The following RFT1 variants were observed in gnomAD, a reference collection of about 807,000 sequenced individuals.
RFT1 encodes the protein man(5)GlcNAc(2)-PP-dolichol translocation protein RFT1.
A neutral mutation model predicts 62.2 loss-of-function variants in RFT1; 43 were observed. The observed-to-expected ratio is 0.69, with a 90% CI of 0.54 to 0.89. RFT1 has a LOEUF of 0.89. RFT1 is among the 40% of genes least tolerant of loss of function. The probability of loss-of-function intolerance (pLI) is 0.00; values close to 1 mark genes in which losing one functional copy is unlikely to be tolerated. For missense variants in RFT1, 605 were observed against 649.9 expected, an observed-to-expected ratio of 0.93 and a Z score of 0.75; for synonymous variants, 262 against 264.6, an observed-to-expected ratio of 0.99 and a Z score of 0.10.
At chr3:53,075,638 G>A in the RFT1 span, among the ~76,000 whole-genome samples, 1 of 152,210 alleles carries the variant, frequency 6.6e-6, no homozygotes, top group African/African-American at 2.4e-5. Flanking sequence ...CTTCAGGAAT[G>A]TGTGCTGCCC....
At chr3:53,072,694 G>T in the RFT1 span, among the ~76,000 whole-genome samples, 33 of 152,236 alleles carry the variant, frequency 2.2e-4, 1 homozygote, top group Admixed American at 2.2e-3. Context: ...GGGTCCAGTG[G>T]ACTTTCGGAC....
intron 10 of RFT1, 155 bp downstream of exon 10, chr3:53,103,798 T>C (rs563292911): frequency 8.3e-4 from 759 of 911,212 alleles, no homozygotes; most frequent in Non-Finnish European, 1.2e-3. Flanking sequence ...GTGTCTGGAG[T>C]TGAACGAGGG....
Position 53,130,435 on chromosome 3 carries a change from C to A in RFT1, c.-35G>T. ...GCCAGGCTCAGACACCAGGAAATGC[C>A]GCCGCCACTCCGTTTAGTCGCGATA... On this transcript the variant is annotated 5_prime_UTR_variant, in exon 1 of 13. Transcript: ENST00000296292. The A allele has an allele frequency of 6.5e-7, 1 of 1,548,038 alleles. No homozygotes were observed.
At chr3:53,121,667 T>G (rs1270076570) in intron 5 of RFT1, 32 bp downstream of exon 5, 1 of 1,516,204 alleles carries the variant, frequency 6.6e-7, no homozygotes, top group East Asian at 2.3e-5. Context: ...GAAACAAAGA[T>G]CATATAAAAA....
chr3:53,106,873 T>C lies in RFT1; in HGVS notation c.776-4A>G. ...AATGTCATCACATATCGCTCGCCTA[T>C]AAACAAAAAAGCAAAATAATTAGCA... On this transcript the variant is annotated splice_polypyrimidine_tract_variant and splice_region_variant and intron_variant, in intron 7 of 12. Transcript: ENST00000296292. 6.2e-7 allele frequency: 1 copy of C among 1,612,082 alleles called. No individual in the cohort carries two copies. The highest frequency in any genetic ancestry group is 8.5e-7 in the Non-Finnish European group (1 of 1,178,400).
At chr3:53,115,431 T>A (rs1701765386) in intron 6 of RFT1, among the ~76,000 whole-genome samples, 1 of 152,082 alleles carries the variant, frequency 6.6e-6, no homozygotes, top group Non-Finnish European at 1.5e-5. Flanking sequence ...TTCAAAAACC[T>A]TTCATTAGGC....
At chr3:53,112,950 G>A (rs534252237) in intron 6 of RFT1, among the ~76,000 whole-genome samples, 20 of 152,086 alleles carry the variant, frequency 1.3e-4, no homozygotes, top group Non-Finnish European at 1.8e-4. Context: ...GTTCTCTCTG[G>A]GGCCCCCTCC....
the RFT1 span, chr3:53,078,073 A>T: frequency 6.6e-6 from 1 of 152,176 alleles, no homozygotes; most frequent in African/African-American, 2.4e-5. Context: ...CTTAGGGGCG[A>T]GGCTGGGGCT....
chr3:53,121,500 G>C (rs1014305687), intron 5 of RFT1, among the ~76,000 whole-genome samples, 199 bp downstream of exon 5: 1 of 152,198 alleles, frequency 6.6e-6, no homozygotes, highest in Non-Finnish European at 1.5e-5. Flanking sequence ...CAGGTCCCTA[G>C]AAACACCTAC....
intron 6 of RFT1, among the ~76,000 whole-genome samples, chr3:53,113,721 T>C (rs2107140642): frequency 6.6e-6 from 1 of 152,360 alleles, no homozygotes; most frequent in East Asian, 1.9e-4. Flanking sequence ...ATTAAGACTT[T>C]GAAATCCAAT....
chr3:53,084,523 T>C (rs569509618), downstream of RFT1, among the ~76,000 whole-genome samples: 2 of 152,334 alleles, frequency 1.3e-5, no homozygotes, highest in East Asian at 3.9e-4. Context: ...TGCTGCTCAG[T>C]TGTCACCTCC....
intron 8 of RFT1, 26 bp from the exon 9 acceptor site, chr3:53,105,829 C>T: frequency 6.2e-7 from 1 of 1,605,296 alleles, no homozygotes; most frequent in Non-Finnish European, 8.5e-7. Context: ...GAAGAAACAA[C>T]AATCATGTTG....
intron 6 of RFT1, among the ~76,000 whole-genome samples, chr3:53,116,438 C>G (rs1701798779): frequency 6.6e-6 from 1 of 151,972 alleles, no homozygotes; most frequent in African/African-American, 2.4e-5. Context: ...GGATCACAGG[C>G]ATGTGCCACC....
intron 11 of RFT1, among the ~76,000 whole-genome samples, chr3:53,095,967 C>A (rs1045319557): frequency 1.3e-5 from 2 of 152,154 alleles, no homozygotes; most frequent in Admixed American, 1.3e-4. Flanking sequence ...AAGGAGCTGT[C>A]AATCTTGGGC....
chr3:53,081,811 G>A, the RFT1 span, among the ~76,000 whole-genome samples: 37 of 152,264 alleles, frequency 2.4e-4, no homozygotes, highest in East Asian at 4.6e-3. Context: ...ATGTTTGTGC[G>A]AAACAATTAC....
At chr3:53,097,039 C>A (rs1398202725) in intron 11 of RFT1, among the ~76,000 whole-genome samples, 1 of 152,166 alleles carries the variant, frequency 6.6e-6, no homozygotes, top group Non-Finnish European at 1.5e-5. Flanking sequence ...GCCACCGTGC[C>A]CGGCCCAAAT....
chr3:53,092,048 C>T lies in RFT1; in HGVS notation c.1481G>A (p.Gly494Asp). The T allele has an allele frequency of 6.2e-7, 1 of 1,614,244 alleles. No individual in the cohort carries two copies. Among genetic ancestry groups the T allele is most frequent in the Non-Finnish European group, 8.5e-7 (1 of 1,180,040 alleles). ...VSEVFLCCEQ[G>D]WPARLAHIAV... Reference sequence around the variant, plus strand: ...AATGTGTGCCAGTCTGGCTGGCCAGCCCTGCTCACAGCAGAGGAATACCTG... The same window carrying T: ...AATGTGTGCCAGTCTGGCTGGCCAGTCCTGCTCACAGCAGAGGAATACCTG... The change falls in exon 13 of 13, where the codon GGC becomes GAC. Residue 494 changes from glycine (G) to aspartate (D), a missense_variant. Physicochemically the swap from Gly to Asp is moderately conservative, Grantham distance 94. Transcript: ENST00000296292.
chr3:53,121,295 A>G (rs1158120807), intron 5 of RFT1, among the ~76,000 whole-genome samples: 1 of 152,188 alleles, frequency 6.6e-6, no homozygotes. Flanking sequence ...GTTTCCACCT[A>G]TTCTGCAAAA....
At chr3:53,109,816 C>A (rs999287116) in intron 7 of RFT1, among the ~76,000 whole-genome samples, 7 of 151,512 alleles carry the variant, frequency 4.6e-5, no homozygotes, top group African/African-American at 1.5e-4. Context: ...ACCCTATCTA[C>A]AAAAACAAAA....
Sources: allele counts gnomAD v4.1 joint callset (sites outside exome capture counted in the v4.1 genomes callset), GRCh38; gene constraint gnomAD v4.1.1; transcripts MANE v1.5; gene names NCBI Gene and HGNC (gene_info 2026-07-23, HGNC 2026-07-21).